The following CNTN5 variants were observed in gnomAD, a reference collection of about 807,000 sequenced individuals.
CNTN5 encodes contactin 5.
Under a neutral mutation model 129.1 loss-of-function variants are expected in CNTN5, and 77 were observed. The ratio of observed to expected loss-of-function variants is 0.60; its 90% CI spans 0.50 to 0.72. The LOEUF (loss-of-function observed/expected upper bound fraction) is 0.72. Ranked by LOEUF, CNTN5 falls within the 30% of genes least tolerant of loss-of-function variation. The pLI is 0.00. For synonymous variants in CNTN5, 509 were observed against 465.6 expected (o/e 1.09, Z -1.20); for missense variants, 1,478 against 1,328.8 (o/e 1.11, Z -1.75).
chr11:100,353,192 A>C (rs556333818), intron 24 of CNTN5, among the ~76,000 whole-genome samples: 1 of 151,730 alleles, frequency 6.6e-6, no homozygotes, highest in African/African-American at 2.4e-5. Flanking sequence ...ATTTCAGTTA[A>C]TAAAATTTGG....
chr11:100,110,040 A>G (rs1377166898), intron 13 of CNTN5, among the ~76,000 whole-genome samples: 1 of 152,040 alleles, frequency 6.6e-6, no homozygotes, highest in Non-Finnish European at 1.5e-5. Context: ...TTAGCCTGGC[A>G]TGGTGTCGTG....
At chr11:99,769,815 C>CA (rs10667902) in intron 3 of CNTN5, among the ~76,000 whole-genome samples, 6,964 of 128,228 alleles carry the variant, frequency 0.054, 216 homozygotes, top group South Asian at 0.11. Flanking sequence ...GACCCCGTCT[C>CA]AAAAAAAAAA....
intron 18 of CNTN5, among the ~76,000 whole-genome samples, chr11:100,271,871 T>C (rs1308532364): frequency 6.6e-6 from 1 of 152,202 alleles, no homozygotes; most frequent in East Asian, 1.9e-4. Flanking sequence ...TAAGATATCT[T>C]GCCTATCACC....
intron 3 of CNTN5, among the ~76,000 whole-genome samples, chr11:99,670,924 A>G (rs1953008420): frequency 6.6e-6 from 1 of 152,182 alleles, no homozygotes; most frequent in Non-Finnish European, 1.5e-5. Flanking sequence ...CCTGGCATAT[A>G]GTAGGCACTA....
intron 1 of CNTN5, among the ~76,000 whole-genome samples, chr11:99,213,231 A>T (rs1036547548): frequency 2.6e-4 from 38 of 144,046 alleles, no homozygotes; most frequent in East Asian, 2.0e-3. Flanking sequence ...ATATATATAT[A>T]TTTTTTTCTA....
intron 13 of CNTN5, among the ~76,000 whole-genome samples, chr11:100,160,483 A>G (rs1448035653): frequency 2.0e-5 from 3 of 151,966 alleles, no homozygotes; most frequent in Non-Finnish European, 4.4e-5. Flanking sequence ...TTTGTAACAG[A>G]TGAAGAAAGA....
rs1048323566 is a variant in CNTN5, at chr11:100,037,599, G to A, written c.981-23613G>A. 5.2e-4 allele frequency among the ~76,000 whole-genome samples: 79 copies of A among 152,096 alleles called. 1 individual carries two copies. The highest frequency in any genetic ancestry group is 1.0e-3 in the Admixed American group (16 of 15,268). ...TTCGGCTGTGAATCCATCTGGTCCT[G>A]GACTCTTTTTGCTTGGTAAACTATT... On this transcript the variant is annotated intron_variant, in intron 9 of 24. Transcript: ENST00000524871.
intron 3 of CNTN5, among the ~76,000 whole-genome samples, chr11:99,758,830 T>A (rs1944485938): frequency 6.6e-6 from 1 of 152,088 alleles, no homozygotes; most frequent in South Asian, 2.1e-4. Flanking sequence ...AGGTTATTCA[T>A]AATTCATAGT....
rs1206155965 is a variant in CNTN5, at chr11:100,224,727, C to T, written c.1920C>T (p.Ile640=). ...ASSADLMIRN[I]LLMHAGRYGC... Reference sequence around the variant, plus strand: ...CTGCAGATTTAATGATCAGGAACATCCTTCTGATGCATGCTGGGAGATATG... The same window carrying T: ...CTGCAGATTTAATGATCAGGAACATTCTTCTGATGCATGCTGGGAGATATG... Residue 640 remains isoleucine, a synonymous_variant, in exon 16 of 25, where the codon ATC becomes ATT. Coordinates refer to ENST00000524871, the MANE Select transcript of CNTN5 (RefSeq NM_014361.4). 1.9e-6 allele frequency: 3 copies of T among 1,612,260 alleles called. No individual in the cohort carries two copies. Among genetic ancestry groups the T allele is most frequent in the Non-Finnish European group, 2.5e-6 (3 of 1,178,686 alleles).
intron 1 of CNTN5, among the ~76,000 whole-genome samples, chr11:99,091,021 CAAAAAAAAAAAA>C (rs68113369): frequency 5.3e-5 from 3 of 56,754 alleles, no homozygotes; most frequent in African/African-American, 2.2e-4. Context: ...GACTCCGTCT[CAAAAAAAAAAAA>C]AAAAAAAAAA....
intron 13 of CNTN5, among the ~76,000 whole-genome samples, chr11:100,168,082 G>A (rs992277116): frequency 4.0e-5 from 6 of 151,856 alleles, no homozygotes; most frequent in African/African-American, 1.4e-4. Flanking sequence ...TGACAGAGGT[G>A]AGGAAGCTGT....
intron 13 of CNTN5, among the ~76,000 whole-genome samples, chr11:100,087,882 G>A (rs985234672): frequency 6.6e-6 from 1 of 151,752 alleles, no homozygotes; most frequent in African/African-American, 2.4e-5. Context: ...CATAAAGCAA[G>A]TCTTAATAAA....
intron 3 of CNTN5, among the ~76,000 whole-genome samples, chr11:99,697,176 T>C (rs1219254998): frequency 5.3e-5 from 8 of 151,994 alleles, no homozygotes; most frequent in African/African-American, 1.7e-4. Context: ...AAATCTCCTA[T>C]GCAGAATTTC....
chr11:99,648,481 A>G (rs1181861027), intron 3 of CNTN5, among the ~76,000 whole-genome samples: 1 of 151,942 alleles, frequency 6.6e-6, no homozygotes, highest in African/African-American at 2.4e-5. Flanking sequence ...AATGTAAACC[A>G]GTGCAGTCAC....
intron 21 of CNTN5, among the ~76,000 whole-genome samples, chr11:100,327,118 T>C (rs1175270945): frequency 6.6e-6 from 1 of 152,220 alleles, no homozygotes; most frequent in African/African-American, 2.4e-5. Context: ...AAACAAAAAC[T>C]AACTTGATAC....
chr11:99,730,938 T>C (rs1014582681), intron 3 of CNTN5, among the ~76,000 whole-genome samples: 20 of 152,258 alleles, frequency 1.3e-4, no homozygotes, highest in African/African-American at 4.1e-4. Context: ...CCACACTTCA[T>C]CCTCCTTTTC....
chr11:100,234,457 T>A (rs555285548), intron 16 of CNTN5, among the ~76,000 whole-genome samples: 2 of 152,132 alleles, frequency 1.3e-5, no homozygotes, highest in African/African-American at 4.8e-5. Flanking sequence ...TGGAATACTA[T>A]ACAGCCGTAA....
intron 4 of CNTN5, among the ~76,000 whole-genome samples, chr11:99,838,572 G>A (rs1188308011): frequency 2.0e-5 from 3 of 152,080 alleles, no homozygotes; most frequent in Non-Finnish European, 4.4e-5. Context: ...GGAGGTTCTG[G>A]CTCTAGGTCT....
chr11:99,169,881 C>G (rs144354938), intron 1 of CNTN5, among the ~76,000 whole-genome samples: 2 of 152,014 alleles, frequency 1.3e-5, no homozygotes, highest in Admixed American at 1.3e-4. Context: ...AGAAATCATA[C>G]AGATAACTGA....
Sources: gnomAD v4.1 joint callset for allele counts (sites outside exome capture counted in the v4.1 genomes callset) on GRCh38, gnomAD v4.1.1 for gene constraint, MANE v1.5 for transcripts, NCBI Gene and HGNC (gene_info 2026-07-23, HGNC 2026-07-21) for gene names.